Variants in ZC3H14 observed in about 807,000 individuals in gnomAD.
ZC3H14 encodes zinc finger CCCH-type containing 14.
ZC3H14 carries 31 observed loss-of-function variants against 92.4 expected under a neutral mutation model. The observed-to-expected ratio is 0.34, with a 90% CI of 0.25 to 0.45. The LOEUF is 0.45. ZC3H14 is among the 20% of genes least tolerant of loss of function. The pLI is 1.00. For missense variants in ZC3H14, 781 were observed against 897.3 expected, an observed-to-expected ratio of 0.87 and a Z score of 1.66; for synonymous variants, 321 against 300.9, an observed-to-expected ratio of 1.07 and a Z score of -0.69.
chr14:88,575,690 A>AG (rs895764991), intron 7 of ZC3H14, 150 bp from the exon 8 acceptor site: 43 of 615,336 alleles, frequency 7.0e-5, no homozygotes, highest in Non-Finnish European at 1.7e-5. Context: ...AAAAAAAAAA[A>AG]TAAGGTTCCA....
At chr14:88,575,806 A>G in intron 7 of ZC3H14, 34 bp from the exon 8 acceptor site, 1 of 1,566,704 alleles carries the variant, frequency 6.4e-7, no homozygotes, top group Admixed American at 1.7e-5. Context: ...TGAAATTTAA[A>G]GTTTAATAAA....
chr14:88,599,427 A>G lies in ZC3H14; in HGVS notation c.1355-2497A>G, dbSNP rs2140026509. ...GCTTTCAGGAGGGAACAAAAAGTAA[A>G]TGCATGGGGTCAGCCTGTGGTCTCT... On this transcript the variant is annotated intron_variant, in intron 10 of 16. Transcript: ENST00000251038. 2.6e-5 allele frequency among the ~76,000 whole-genome samples: 4 copies of G among 152,280 alleles called. No individual in the cohort carries two copies. In the South Asian group the frequency reaches 8.3e-4, roughly 32 times the overall value.
At chr14:88,594,750 A>G in intron 9 of ZC3H14, 1 of 1,614,082 alleles carries the variant, frequency 6.2e-7, no homozygotes, top group Non-Finnish European at 8.5e-7. Context: ...CAAAGTTTCC[A>G]TCACCACCTC....
At chr14:88,603,409 G>A (rs775074148) in intron 12 of ZC3H14, among the ~76,000 whole-genome samples, 1 of 152,186 alleles carries the variant, frequency 6.6e-6, no homozygotes, top group Non-Finnish European at 1.5e-5. Context: ...ATCAGCAATA[G>A]TCTCTTGCAA....
rs575556337 is a variant in ZC3H14 at position 88,614,497 on chromosome 14, C to T, written c.*2746C>T. 24 of 152,280 alleles carry T rather than the reference C, an allele frequency of 1.6e-4. No homozygotes were observed. Among genetic ancestry groups the T allele is most frequent in the African/African-American group, 5.5e-4 (23 of 41,564 alleles). The allele number at this position is 152,280 out of a possible 1,614,324, so 9.4% of individuals were successfully genotyped here. A position where few individuals can be genotyped will look rare whatever the true frequency, so the allele number is the denominator to read the frequency against. On this transcript the variant is annotated 3_prime_UTR_variant, in exon 17 of 17. Transcript: ENST00000251038. ...TAGGTATTAAGAATCTTCATATATC[C>T]TGTCAGACCAAATGGGATTCCAGGA...
At chr14:88,608,383 T>C in intron 13 of ZC3H14, 1 of 438,332 alleles carries the variant, frequency 2.3e-6, no homozygotes, top group South Asian at 1.7e-5. Context: ...CCAGCTGATT[T>C]TGGCTTTCAG....
At chr14:88,587,351 A>G (rs117076255) in intron 9 of ZC3H14, among the ~76,000 whole-genome samples, 6 of 151,974 alleles carry the variant, frequency 3.9e-5, no homozygotes, top group African/African-American at 1.5e-4. Context: ...TTTTTAGTAG[A>G]GACAGGGTCT....
At chr14:88,580,177 C>T (rs1160669264) in intron 9 of ZC3H14, among the ~76,000 whole-genome samples, 3 of 149,772 alleles carry the variant, frequency 2.0e-5, no homozygotes, top group African/African-American at 2.5e-5. Flanking sequence ...CAGTGAGCCA[C>T]GATCATACCA....
At chr14:88,580,532 A>G (rs956724612) in intron 9 of ZC3H14, among the ~76,000 whole-genome samples, 5 of 100,512 alleles carry the variant, frequency 5.0e-5, no homozygotes, top group South Asian at 3.4e-4. Context: ...AAGATAAAAG[A>G]CAAGAACATT....
intron 3 of ZC3H14, among the ~76,000 whole-genome samples, chr14:88,570,188 C>T (rs1349774503): frequency 6.6e-6 from 1 of 152,140 alleles, no homozygotes; most frequent in African/African-American, 2.4e-5. Context: ...CATTTTGGCA[C>T]TTTGCTTTCT....
intron 5 of ZC3H14, among the ~76,000 whole-genome samples, 152 bp from the exon 6 acceptor site, chr14:88,572,422 TGAAA>T (rs2139593379): frequency 6.6e-6 from 1 of 152,362 alleles, no homozygotes; most frequent in Admixed American, 6.5e-5. Context: ...AAATCAAAGT[TGAAA>T]GAAAGTGCAA....
At position 88,618,110 on chromosome 14, in the gene ZC3H14, A is replaced by G; in HGVS notation, c.*6359A>G. 1 of 715,426 alleles carries G rather than the reference A, an allele frequency of 1.4e-6. No individual in the cohort carries two copies. The highest frequency in any genetic ancestry group is 2.2e-6 in the Non-Finnish European group (1 of 446,260). The allele number at this position is 715,426 out of a possible 1,614,324, so 44.3% of individuals were successfully genotyped here. ...GAACATACCATTTCAAAATATGGTA[A>G]CAAAAACTTGAAACTCAATTACTAT... On this transcript the variant is annotated 3_prime_UTR_variant, in exon 17 of 17. Transcript: ENST00000251038.
At chr14:88,599,945 G>A (rs1377823532) in intron 10 of ZC3H14, among the ~76,000 whole-genome samples, 3 of 152,184 alleles carry the variant, frequency 2.0e-5, no homozygotes, top group African/African-American at 4.8e-5. Context: ...TAGGCTTTGA[G>A]TGAGGATTCA....
chr14:88,586,938 C>A (rs2082539837), intron 9 of ZC3H14, among the ~76,000 whole-genome samples: 1 of 152,104 alleles, frequency 6.6e-6, no homozygotes, highest in Non-Finnish European at 1.5e-5. Flanking sequence ...TAATAATATG[C>A]TTTATACTGT....
intron 9 of ZC3H14, among the ~76,000 whole-genome samples, chr14:88,583,156 C>T (rs575057420): frequency 6.4e-5 from 9 of 141,668 alleles, no homozygotes; most frequent in African/African-American, 2.1e-4. Context: ...TTTTAAGAGG[C>T]GAGGTCTCAC....
chr14:88,578,559 T>C (rs372139276), intron 9 of ZC3H14, among the ~76,000 whole-genome samples: 1 of 152,182 alleles, frequency 6.6e-6, no homozygotes, highest in Non-Finnish European at 1.5e-5. Context: ...TTAGTTATTA[T>C]CAGAATTTTG....
In ZC3H14 at chr14:88,621,862, T is replaced by G. The variant is rs1229893940; in HGVS notation, c.*10111T>G. ...TAACCATCACCTCAGACATTTATCA[T>G]TTCTTTGTGATGGAAACTTTCAAAA... On this transcript the variant is annotated 3_prime_UTR_variant, in exon 17 of 17. Coordinates refer to ENST00000251038, the MANE Select transcript of ZC3H14 (RefSeq NM_024824.5). The G allele has an allele frequency of 6.6e-6, 3 of 456,474 alleles. No homozygotes were observed. Among genetic ancestry groups the G allele is most frequent in the Non-Finnish European group, 1.3e-5 (3 of 226,938 alleles). 28.3% of individuals were successfully genotyped at this position (456,474 alleles called of 1,614,324 possible).
At chr14:88,579,323 G>A (rs2081590627) in intron 9 of ZC3H14, among the ~76,000 whole-genome samples, 1 of 152,090 alleles carries the variant, frequency 6.6e-6, no homozygotes, top group Admixed American at 6.5e-5. Context: ...ATAGGCCTGA[G>A]GACAAGACCT....
chr14:88,583,078 GA>G (rs1348753111), intron 9 of ZC3H14, among the ~76,000 whole-genome samples: 1 of 72,298 alleles, frequency 1.4e-5, no homozygotes, highest in Non-Finnish European at 3.6e-5. Flanking sequence ...TGGCTTTATT[GA>G]TTTTTTTTTT....
Sources: allele counts gnomAD v4.1 joint callset (sites outside exome capture counted in the v4.1 genomes callset), GRCh38; gene constraint gnomAD v4.1.1; transcripts MANE v1.5; gene names NCBI Gene and HGNC (gene_info 2026-07-23, HGNC 2026-07-21).